TCEA3: variants seen among roughly 807,000 people sequenced by gnomAD.
TCEA3 encodes the protein transcription elongation factor A3.
TCEA3 carries 36 observed loss-of-function variants against 44.0 expected under a neutral mutation model. The observed-to-expected ratio is 0.82, with a 90% CI of 0.63 to 1.08. The LOEUF is 1.08. Among genes scored for constraint, TCEA3 ranks in the 50% least tolerant of loss-of-function variants. TCEA3 has a pLI of 0.00. For missense variants in TCEA3, 392 were observed against 441.2 expected, an observed-to-expected ratio of 0.89 and a Z score of 1.00; for synonymous variants, 162 against 159.7, an observed-to-expected ratio of 1.01 and a Z score of -0.11.
intron 4 of TCEA3, among the ~76,000 whole-genome samples, chr1:23,409,724 T>A (rs1349623869): frequency 6.6e-6 from 1 of 151,510 alleles, no homozygotes; most frequent in Non-Finnish European, 1.5e-5. Flanking sequence ...AATTTTTATA[T>A]TCTTAGTAGA....
intron 5 of TCEA3, among the ~76,000 whole-genome samples, chr1:23,408,258 A>G (rs896482164): frequency 7.2e-5 from 11 of 152,166 alleles, no homozygotes; most frequent in African/African-American, 1.2e-4. Flanking sequence ...CACTGTGCCC[A>G]GCCTAGGTAT....
intron 7 of TCEA3, among the ~76,000 whole-genome samples, chr1:23,396,044 C>A (rs1639207788): frequency 6.6e-6 from 1 of 152,104 alleles, no homozygotes; most frequent in Non-Finnish European, 1.5e-5. Flanking sequence ...TGAAAATGTA[C>A]TTTTTGAGGT....
intron 3 of TCEA3, 117 bp from the exon 4 acceptor site, chr1:23,417,507 A>AAC (rs1174742116): frequency 5.6e-6 from 8 of 1,424,714 alleles, no homozygotes; most frequent in African/African-American, 2.9e-5. Context: ...ACACACTCCC[A>AAC]ACACACACAC....
At chr1:23,416,628 A>G (rs1019362544) in intron 4 of TCEA3, among the ~76,000 whole-genome samples, 1 of 152,036 alleles carries the variant, frequency 6.6e-6, no homozygotes, top group African/African-American at 2.4e-5. Flanking sequence ...AGTAGTTAGG[A>G]TTACAGGTGT....
intron 8 of TCEA3, 82 bp downstream of exon 8, chr1:23,393,797 T>C: frequency 3.3e-6 from 5 of 1,511,762 alleles, no homozygotes; most frequent in Non-Finnish European, 4.4e-6. Context: ...TGCTGATGAG[T>C]CACGAGCCAC....
chr1:23,418,108 T>C, intron 2 of TCEA3, 99 bp from the exon 3 acceptor site: 2 of 1,189,344 alleles, frequency 1.7e-6, no homozygotes, highest in Non-Finnish European at 2.4e-6. Flanking sequence ...CCACCTCCCC[T>C]TCCAACCTGG....
intron 8 of TCEA3, among the ~76,000 whole-genome samples, chr1:23,392,202 T>C (rs2148550910): frequency 6.6e-6 from 1 of 151,828 alleles, no homozygotes; most frequent in Non-Finnish European, 1.5e-5. Flanking sequence ...AGGAAAGCAG[T>C]GAACCCTCTC....
At position 23,424,589 on chromosome 1, in the gene TCEA3, C is replaced by G; in HGVS notation, c.45G>C (p.Glu15Asp). Residue 15 changes from glutamate (E) to aspartate (D), a missense_variant, in exon 1 of 11, where the codon GAG becomes GAC. Coordinates refer to ENST00000450454, the MANE Select transcript of TCEA3 (RefSeq NM_003196.3). Reference protein sequence around the residue: ...EELLRIAKKLEKMVARKNTEG... With the variant: ...EELLRIAKKLDKMVARKNTEG... ...CCGTGTTCTTCCTGGCCACCATCTTCTCCAGCTTTTTGGCGATCCTCAGCA... is the reference window on the plus strand; with the variant it reads ...CCGTGTTCTTCCTGGCCACCATCTTGTCCAGCTTTTTGGCGATCCTCAGCA... The G allele has an allele frequency of 6.2e-7, 1 of 1,608,724 alleles. No homozygotes were observed. Among genetic ancestry groups the G allele is most frequent in the Non-Finnish European group, 8.5e-7 (1 of 1,179,028 alleles).
At chr1:23,424,138 C>T (rs1263433590) in intron 1 of TCEA3, among the ~76,000 whole-genome samples, 2 of 152,058 alleles carry the variant, frequency 1.3e-5, no homozygotes, top group Non-Finnish European at 1.5e-5. Context: ...TTCTCTGCCA[C>T]TTCTCGGGCC....
intron 7 of TCEA3, among the ~76,000 whole-genome samples, chr1:23,396,666 A>G (rs569900617): frequency 3.3e-4 from 51 of 152,244 alleles, no homozygotes; most frequent in South Asian, 1.5e-3. Flanking sequence ...GGAAGTGTCA[A>G]TTGGCCATTG....
intron 9 of TCEA3, among the ~76,000 whole-genome samples, chr1:23,386,777 G>C (rs551767057): frequency 1.3e-5 from 2 of 152,116 alleles, no homozygotes; most frequent in East Asian, 3.9e-4. Flanking sequence ...CTGGAGTGCA[G>C]TGGCATGATC....
intron 4 of TCEA3, among the ~76,000 whole-genome samples, chr1:23,414,382 G>T (rs1639827588): frequency 6.7e-6 from 1 of 149,496 alleles, no homozygotes; most frequent in South Asian, 2.1e-4. Context: ...GAGCCACCGT[G>T]CCTGGCCCTT....
At chr1:23,411,033 G>A (rs545401357) in intron 4 of TCEA3, 299 of 205,616 alleles carry the variant, frequency 1.5e-3, no homozygotes, top group African/African-American at 6.6e-3. Flanking sequence ...TGGTGATCAG[G>A]GGACAGGAAA....
intron 5 of TCEA3, among the ~76,000 whole-genome samples, chr1:23,400,401 G>T (rs1364788526): frequency 3.8e-5 from 5 of 132,938 alleles, no homozygotes; most frequent in Admixed American, 2.1e-4. Flanking sequence ...AGAAATGGGG[G>T]TCTCAATATG....
chr1:23,392,329 CAT>C (rs1188045340), intron 8 of TCEA3, among the ~76,000 whole-genome samples: 1 of 136,784 alleles, frequency 7.3e-6, no homozygotes, highest in Non-Finnish European at 1.6e-5. Context: ...ACATACTTCA[CAT>C]GACATCATAC....
intron 8 of TCEA3, among the ~76,000 whole-genome samples, chr1:23,393,059 G>T (rs1442676776): frequency 1.3e-5 from 2 of 151,998 alleles, no homozygotes; most frequent in African/African-American, 4.8e-5. Flanking sequence ...CCCACTTGGG[G>T]TGCTGGGAGA....
intron 5 of TCEA3, among the ~76,000 whole-genome samples, chr1:23,408,001 G>A (rs1364816506): frequency 6.6e-6 from 1 of 151,852 alleles, no homozygotes; most frequent in Non-Finnish European, 1.5e-5. Context: ...TCACTCTGTT[G>A]CCCAGGTTGG....
chr1:23,415,085 G>A (rs537901970), intron 4 of TCEA3, among the ~76,000 whole-genome samples: 81 of 149,146 alleles, frequency 5.4e-4, no homozygotes, highest in Non-Finnish European at 9.9e-4. Context: ...GTGCAGTGGC[G>A]GGATCTCAGC....
At position 23,384,196 on chromosome 1, in the gene TCEA3, C is replaced by T. The variant is rs538085051; in HGVS notation, c.1038+150G>A. 1.7e-5 allele frequency: 25 copies of T among 1,492,006 alleles called. No homozygotes were observed. The South Asian group carries it at 2.2e-4, about 13-fold the overall frequency. 92.4% of individuals were successfully genotyped at this position (1,492,006 alleles called of 1,614,324 possible). On this transcript the variant is annotated intron_variant, in intron 10 of 10. Transcript: ENST00000450454. ...TCTCCCCACCTCCCCAACAGCAATC[C>T]GCCACTATCTCTGGCTCTGCAGACC...
Sources: allele counts gnomAD v4.1 joint callset (sites outside exome capture counted in the v4.1 genomes callset), GRCh38; gene constraint gnomAD v4.1.1; transcripts MANE v1.5; gene names NCBI Gene and HGNC (gene_info 2026-07-23, HGNC 2026-07-21).